Variants in BTBD9 observed in about 807,000 individuals in gnomAD.
The protein encoded by BTBD9 is BTB domain containing 9.
BTBD9 carries 49 observed loss-of-function variants against 64.3 expected under a neutral mutation model. The observed-to-expected ratio is 0.76, with a 90% confidence interval of 0.61 to 0.97. BTBD9 has a LOEUF of 0.97. Ranked by LOEUF, BTBD9 falls within the 50% of genes least tolerant of loss-of-function variation. The pLI, the probability that BTBD9 is intolerant of heterozygous loss-of-function variation, is 0.00. For synonymous variants in BTBD9, 260 were observed against 274.7 expected (o/e 0.95, Z 0.53); for missense variants, 598 against 762.1 (o/e 0.78, Z 2.53).
chr6:38,241,686 A>G (rs569866984), intron 9 of BTBD9, among the ~76,000 whole-genome samples: 39 of 152,362 alleles, frequency 2.6e-4, no homozygotes, highest in Non-Finnish European at 4.3e-4. Context: ...TACATAATTT[A>G]TAACACCACG....
intron 6 of BTBD9, among the ~76,000 whole-genome samples, chr6:38,495,641 T>C (rs891659712): frequency 1.3e-5 from 2 of 152,196 alleles, no homozygotes; most frequent in Non-Finnish European, 2.9e-5. Context: ...CATAATCGTA[T>C]TACTTAAGGC....
chr6:38,220,519 ACT>A (rs550237199), intron 9 of BTBD9, among the ~76,000 whole-genome samples: 81 of 152,298 alleles, frequency 5.3e-4, no homozygotes, highest in African/African-American at 1.9e-3. Context: ...CTTTTACTCA[ACT>A]CTCATAAAGT....
chr6:38,606,805 T>C (rs967975403), intron 1 of BTBD9, among the ~76,000 whole-genome samples: 5 of 152,220 alleles, frequency 3.3e-5, no homozygotes, highest in African/African-American at 9.6e-5. Context: ...GTAGGTACTT[T>C]TAAAATATCC....
chr6:38,600,605 G>A (rs1388288795), intron 1 of BTBD9, among the ~76,000 whole-genome samples: 2 of 151,462 alleles, frequency 1.3e-5, no homozygotes, highest in African/African-American at 4.9e-5. Context: ...GCTCTTCCTG[G>A]CTGAAAAAAA....
At chr6:38,266,521 C>T (rs985364364) in intron 8 of BTBD9, among the ~76,000 whole-genome samples, 1 of 150,648 alleles carries the variant, frequency 6.6e-6, no homozygotes, top group Non-Finnish European at 1.5e-5. Context: ...TGCAGGGAGC[C>T]GAGATTGTGC....
chr6:38,277,945 A>T (rs1404557154), intron 8 of BTBD9, among the ~76,000 whole-genome samples: 1 of 152,154 alleles, frequency 6.6e-6, no homozygotes, highest in African/African-American at 2.4e-5. Flanking sequence ...CAACCCCCTT[A>T]CCATGACCCT....
At chr6:38,626,902 T>TA (rs1194676856) in intron 1 of BTBD9, among the ~76,000 whole-genome samples, 1 of 152,182 alleles carries the variant, frequency 6.6e-6, no homozygotes, top group African/African-American at 2.4e-5. Context: ...TAACCTTCCT[T>TA]AAAAAACTCA....
chr6:38,245,708 G>T (rs773977681), intron 9 of BTBD9, among the ~76,000 whole-genome samples: 2 of 152,078 alleles, frequency 1.3e-5, no homozygotes, highest in African/African-American at 2.4e-5. Context: ...GAGGGAATGT[G>T]GGGGGGTCAG....
chr6:38,579,528 AT>A (rs1776198494), intron 5 of BTBD9, among the ~76,000 whole-genome samples: 1 of 152,240 alleles, frequency 6.6e-6, no homozygotes. Flanking sequence ...GAAAGGCAGA[AT>A]TCTGAAGCCC....
chr6:38,468,253 T>C (rs775809759), intron 6 of BTBD9, among the ~76,000 whole-genome samples: 1 of 152,200 alleles, frequency 6.6e-6, no homozygotes, highest in Non-Finnish European at 1.5e-5. Context: ...TCAACTATCA[T>C]GTAAATTCAA....
intron 1 of BTBD9, among the ~76,000 whole-genome samples, chr6:38,613,885 G>T (rs1175958849): frequency 6.6e-6 from 1 of 152,100 alleles, no homozygotes; most frequent in South Asian, 2.1e-4. Context: ...AGAAGACAGG[G>T]CTAAAAGTTC....
chr6:38,366,786 T>C lies in BTBD9; in HGVS notation c.1155-21693A>G, dbSNP rs564142419. On this transcript the variant is annotated intron_variant, in intron 6 of 10. Coordinates refer to ENST00000481247, the MANE Select transcript of BTBD9 (RefSeq NM_001099272.2). ...AAGAAAGGGAAGCCTTTCAGCTTTA[T>C]GGCCATTCACTAGGAATAGAAAGAA... Among the ~76,000 whole-genome samples, 30 of 152,354 alleles carry C rather than the reference T, an allele frequency of 2.0e-4. 1 individual carries two copies. In the East Asian group the frequency reaches 5.4e-3, roughly 27 times the overall value.
At chr6:38,259,905 G>A (rs1042746240) in intron 8 of BTBD9, among the ~76,000 whole-genome samples, 1 of 152,104 alleles carries the variant, frequency 6.6e-6, no homozygotes, top group Non-Finnish European at 1.5e-5. Context: ...CCACTCTGTT[G>A]TTCTTAAGTG....
intron 6 of BTBD9, among the ~76,000 whole-genome samples, chr6:38,492,952 G>A (rs1256564826): frequency 1.3e-5 from 2 of 151,904 alleles, no homozygotes; most frequent in African/African-American, 2.4e-5. Flanking sequence ...TCTAGAATTC[G>A]ATCTAAAAAT....
intron 9 of BTBD9, among the ~76,000 whole-genome samples, chr6:38,227,881 A>C (rs1455791851): frequency 6.6e-6 from 1 of 152,208 alleles, no homozygotes; most frequent in Non-Finnish European, 1.5e-5. Flanking sequence ...TCAAAAGTGA[A>C]TCCTAACTTA....
chr6:38,598,428 T>C (rs1227208245), intron 1 of BTBD9, among the ~76,000 whole-genome samples: 6 of 152,006 alleles, frequency 3.9e-5, no homozygotes, highest in Admixed American at 6.6e-5. Flanking sequence ...TACAGTACCT[T>C]AGGAAAAGAA....
At chr6:38,492,808 A>C (rs1771765997) in intron 6 of BTBD9, among the ~76,000 whole-genome samples, 1 of 152,180 alleles carries the variant, frequency 6.6e-6, no homozygotes, top group Non-Finnish European at 1.5e-5. Context: ...TTAAATGTAC[A>C]CTTTCGATTT....
At chr6:38,502,832 T>C (rs547189382) in intron 6 of BTBD9, among the ~76,000 whole-genome samples, 2 of 152,148 alleles carry the variant, frequency 1.3e-5, no homozygotes, top group Admixed American at 6.5e-5. Context: ...GTTAACTGAG[T>C]GCCTGTTACA....
intron 6 of BTBD9, among the ~76,000 whole-genome samples, chr6:38,423,839 A>G (rs1323213632): frequency 6.7e-6 from 1 of 150,148 alleles, no homozygotes; most frequent in Non-Finnish European, 1.5e-5. Flanking sequence ...TAAAAATTCA[A>G]TTCAGTCTTG....
Sources: allele counts gnomAD v4.1 joint callset (sites outside exome capture counted in the v4.1 genomes callset), GRCh38; gene constraint gnomAD v4.1.1; transcripts MANE v1.5; gene names NCBI Gene and HGNC (gene_info 2026-07-23, HGNC 2026-07-21).